CSMD1: variants seen among roughly 807,000 people sequenced by gnomAD.
CSMD1 encodes CUB and Sushi multiple domains 1.
A neutral mutation model predicts 417.5 loss-of-function variants in CSMD1; 213 were observed. The ratio of observed to expected loss-of-function variants is 0.51; its 90% CI spans 0.46 to 0.57. The LOEUF (loss-of-function observed/expected upper bound fraction) is 0.57. Ranked by LOEUF, CSMD1 falls within the 20% of genes least tolerant of loss-of-function variation. The pLI is 0.00. For missense variants in CSMD1, 6,923 were observed against 4,529.7 expected (o/e 1.53, Z -15.17); for synonymous variants, 2,862 against 1,736.8 (o/e 1.65, Z -16.11).
intron 5 of CSMD1, among the ~76,000 whole-genome samples, chr8:3,852,363 C>G (rs1031728149): frequency 3.3e-5 from 5 of 152,086 alleles, no homozygotes; most frequent in African/African-American, 1.2e-4. Context: ...GGATAAGGGA[C>G]ACCCTCTCTA....
chr8:4,495,205 G>T (rs1277943179), intron 2 of CSMD1, among the ~76,000 whole-genome samples: 2 of 152,024 alleles, frequency 1.3e-5, no homozygotes, highest in Admixed American at 6.6e-5. Context: ...AGAAATCCTG[G>T]GATTTTTATA....
intron 3 of CSMD1, among the ~76,000 whole-genome samples, chr8:4,095,702 G>A (rs962202474): frequency 3.3e-5 from 5 of 152,178 alleles, no homozygotes; most frequent in Non-Finnish European, 1.5e-5. Context: ...AAGCTATGAT[G>A]AGGTGCATCC....
chr8:3,500,036 G>C (rs10103646), intron 10 of CSMD1, among the ~76,000 whole-genome samples: 2 of 152,004 alleles, frequency 1.3e-5, no homozygotes, highest in Non-Finnish European at 2.9e-5. Context: ...CAGGCATCTG[G>C]GGTGGGAGTG....
At chr8:4,991,470 C>A (rs750991129) in intron 1 of CSMD1, among the ~76,000 whole-genome samples, 133 of 152,230 alleles carry the variant, frequency 8.7e-4, no homozygotes, top group Non-Finnish European at 1.5e-3. Flanking sequence ...CCTCACGACT[C>A]CGCAAACAGG....
intron 2 of CSMD1, among the ~76,000 whole-genome samples, chr8:4,464,240 C>G (rs576094355): frequency 1.3e-5 from 2 of 152,242 alleles, no homozygotes; most frequent in African/African-American, 4.8e-5. Context: ...AACATTCCCA[C>G]ATTAACATCT....
chr8:3,076,167 C>T (rs559542870), intron 49 of CSMD1, among the ~76,000 whole-genome samples: 1 of 152,182 alleles, frequency 6.6e-6, no homozygotes, highest in African/African-American at 2.4e-5. Context: ...AATGGATTTT[C>T]TCACAGTCCT....
intron 1 of CSMD1, among the ~76,000 whole-genome samples, chr8:4,752,870 T>A (rs1028809325): frequency 6.6e-6 from 1 of 152,178 alleles, no homozygotes; most frequent in African/African-American, 2.4e-5. Flanking sequence ...CAGATCAGCA[T>A]GTCTTTTCTC....
intron 2 of CSMD1, among the ~76,000 whole-genome samples, chr8:4,489,875 G>A (rs1230162376): frequency 6.6e-6 from 1 of 152,126 alleles, no homozygotes; most frequent in Admixed American, 6.5e-5. Flanking sequence ...GCCATGCCTT[G>A]CCCAGACTAC....
At chr8:3,392,265 A>C (rs1247240279) in intron 17 of CSMD1, among the ~76,000 whole-genome samples, 1 of 152,146 alleles carries the variant, frequency 6.6e-6, no homozygotes, top group Non-Finnish European at 1.5e-5. Context: ...TAAAAAAATA[A>C]AATAAATAAA....
intron 1 of CSMD1, among the ~76,000 whole-genome samples, chr8:4,830,428 A>G (rs994318555): frequency 2.0e-5 from 3 of 152,212 alleles, no homozygotes; most frequent in East Asian, 1.9e-4. Flanking sequence ...GTATGTTTGG[A>G]GGAACACTTA....
chr8:3,463,798 T>C (rs910859273), intron 12 of CSMD1, among the ~76,000 whole-genome samples: 1 of 152,174 alleles, frequency 6.6e-6, no homozygotes, highest in Non-Finnish European at 1.5e-5. Flanking sequence ...TCTCAAAAGT[T>C]CCGTCTGCCA....
At chr8:4,458,731 TCTC>T (rs1472816725) in intron 2 of CSMD1, among the ~76,000 whole-genome samples, 3 of 152,286 alleles carry the variant, frequency 2.0e-5, no homozygotes, top group Admixed American at 6.5e-5. Flanking sequence ...GGAAAAATAT[TCTC>T]CTTTTGTTAC....
chr8:3,326,786 A>G (rs1471832739), intron 23 of CSMD1, among the ~76,000 whole-genome samples: 3 of 152,218 alleles, frequency 2.0e-5, no homozygotes, highest in Non-Finnish European at 4.4e-5. Context: ...ATTCTATTGA[A>G]GAATATTTTA....
chr8:4,830,051 T>A (rs1339493788), intron 1 of CSMD1, among the ~76,000 whole-genome samples: 1 of 152,200 alleles, frequency 6.6e-6, no homozygotes, highest in East Asian at 1.9e-4. Context: ...CAAGGACTTA[T>A]ACCTGTGCAC....
intron 3 of CSMD1, among the ~76,000 whole-genome samples, chr8:4,048,516 G>T (rs1232881665): frequency 3.9e-5 from 6 of 152,104 alleles, no homozygotes; most frequent in African/African-American, 1.2e-4. Context: ...AAAAGTTAAG[G>T]AACATCCCTC....
chr8:4,247,438 C>A (rs995454016), intron 3 of CSMD1, among the ~76,000 whole-genome samples: 1 of 152,182 alleles, frequency 6.6e-6, no homozygotes, highest in Non-Finnish European at 1.5e-5. Flanking sequence ...CACTCAGACA[C>A]TGAAGAGCAG....
chr8:4,671,379 G>A (rs1321295159), intron 1 of CSMD1, among the ~76,000 whole-genome samples: 1 of 152,038 alleles, frequency 6.6e-6, no homozygotes, highest in African/African-American at 2.4e-5. Flanking sequence ...ACAGACCCAA[G>A]TCTGTTTGTG....
chr8:4,897,102 C>A (rs752595279), intron 1 of CSMD1, among the ~76,000 whole-genome samples: 1 of 151,916 alleles, frequency 6.6e-6, no homozygotes, highest in Admixed American at 6.6e-5. Context: ...TCAGGCTTGA[C>A]TTTGGGTATT....
chr8:4,743,461 C>G (rs904837735), intron 1 of CSMD1, among the ~76,000 whole-genome samples: 4 of 152,172 alleles, frequency 2.6e-5, no homozygotes, highest in African/African-American at 7.2e-5. Context: ...TAGAGCGCTT[C>G]TCACGGGCCG....
Sources: allele counts gnomAD v4.1 joint callset (sites outside exome capture counted in the v4.1 genomes callset), GRCh38; gene constraint gnomAD v4.1.1; transcripts MANE v1.5; gene names NCBI Gene and HGNC (gene_info 2026-07-23, HGNC 2026-07-21).